JARID2: variants seen among roughly 807,000 people sequenced by gnomAD.
JARID2 encodes the protein jumonji and AT-rich interaction domain containing 2.
Under a neutral mutation model 125.6 loss-of-function variants are expected in JARID2, and 21 were observed. The observed-to-expected ratio is 0.17, with a 90% CI of 0.12 to 0.24. The LOEUF (loss-of-function observed/expected upper bound fraction) is 0.24, where lower values mean the gene tolerates loss of function less well. Ranked by LOEUF, JARID2 falls within the 10% of genes least tolerant of loss-of-function variation. The probability of loss-of-function intolerance (pLI) is 1.00; values close to 1 mark genes in which losing one functional copy is unlikely to be tolerated. For synonymous variants in JARID2, 736 were observed against 661.6 expected (o/e 1.11, Z -1.73); for missense variants, 1,303 against 1,639.6 (o/e 0.79, Z 3.55).
intron 1 of JARID2, among the ~76,000 whole-genome samples, chr6:15,357,672 A>T (rs551539985): frequency 3.9e-5 from 6 of 152,346 alleles, no homozygotes; most frequent in African/African-American, 1.4e-4. Context: ...GATAATCAAA[A>T]TATAGAAAAA....
At chr6:15,465,843 G>C (rs1027823841) in intron 4 of JARID2, among the ~76,000 whole-genome samples, 2 of 151,172 alleles carry the variant, frequency 1.3e-5, no homozygotes, top group African/African-American at 2.4e-5. Context: ...TTGTTCTGTC[G>C]CCCAGCCTGG....
At chr6:15,375,249 A>G (rs35734069) in intron 2 of JARID2, among the ~76,000 whole-genome samples, 13,432 of 152,272 alleles carry the variant, frequency 0.088, 782 homozygotes, top group South Asian at 0.16. Flanking sequence ...GGGCAATGGC[A>G]GAGTTTCCTG....
At chr6:15,450,093 T>A in intron 3 of JARID2, among the ~76,000 whole-genome samples, 1 of 152,294 alleles carries the variant, frequency 6.6e-6, no homozygotes, top group Non-Finnish European at 1.5e-5. Context: ...GATAAATGCT[T>A]ACTATTTTAT....
At chr6:15,476,798 A>G (rs983041833) in intron 5 of JARID2, among the ~76,000 whole-genome samples, 7 of 152,228 alleles carry the variant, frequency 4.6e-5, no homozygotes, top group Non-Finnish European at 7.3e-5. Context: ...TAACACAATC[A>G]GAACACTGCT....
At position 15,247,731 on chromosome 6, in the gene JARID2, T is replaced by C. The variant is rs545769121; in HGVS notation, c.45+1147T>C. 18 of 985,358 alleles carry C rather than the reference T, an allele frequency of 1.8e-5. No individual in the cohort carries two copies. The South Asian group carries it at 7.0e-4, about 39-fold the overall frequency. The allele number at this position is 985,358 out of a possible 1,614,324, so 61.0% of individuals were successfully genotyped here. On this transcript the variant is annotated intron_variant, in intron 1 of 17. Transcript: ENST00000341776. ...TTTAATGGAAAAGCTGAATGCCTCT[T>C]CAAGAGAGCTGATCCTTATCTAGAC... is the stretch of plus-strand genomic sequence containing the variant.
In JARID2 at chr6:15,512,387, C is replaced by A. The variant is rs746339572; in HGVS notation, c.3132C>A (p.Ala1044=). Residue 1044 remains alanine (A), a synonymous_variant, in exon 14 of 18, where the codon GCC becomes GCA. Coordinates refer to ENST00000341776, the MANE Select transcript of JARID2 (RefSeq NM_004973.4). ...TQWTSMGFET[A]KEMKRRHIAK... ...GGACAAGTATGGGCTTTGAGACCGC[C>A]AAGGTGAGCAGAGCCGGCCTCCTCC... 1 of 1,613,840 alleles carries A rather than the reference C, an allele frequency of 6.2e-7. No individual in the cohort carries two copies. Among genetic ancestry groups the A allele is most frequent in the South Asian group, 1.1e-5 (1 of 91,076 alleles).
At chr6:15,325,598 T>G (rs1762510922) in intron 1 of JARID2, among the ~76,000 whole-genome samples, 1 of 152,138 alleles carries the variant, frequency 6.6e-6, no homozygotes, top group Non-Finnish European at 1.5e-5. Context: ...GGGACTTTGA[T>G]TTCACCAGAG....
chr6:15,437,938 A>G (rs1053841155), intron 3 of JARID2, among the ~76,000 whole-genome samples: 3 of 152,156 alleles, frequency 2.0e-5, no homozygotes, highest in African/African-American at 7.2e-5. Flanking sequence ...TGGAAAGGTA[A>G]GTGGGCCCTT....
intron 1 of JARID2, among the ~76,000 whole-genome samples, chr6:15,264,863 A>G (rs1485216055): frequency 6.6e-6 from 1 of 152,150 alleles, no homozygotes; most frequent in Non-Finnish European, 1.5e-5. Context: ...ACTGCCCTAT[A>G]ATGTAATGCA....
chr6:15,501,294 G>A lies in JARID2; in HGVS notation c.2333G>A (p.Gly778Asp). The A allele has an allele frequency of 6.2e-7, 1 of 1,612,970 alleles. No homozygotes were observed. The highest frequency in any genetic ancestry group is 2.2e-5 in the East Asian group (1 of 44,846). Reference protein sequence around the residue: ...NGFRSKLKEVGQAQLKTGRRR... With the variant: ...NGFRSKLKEVDQAQLKTGRRR... ...TTCCGCAGCAAGCTCAAGGAGGTGG[G>A]CCAGGCCCAGTTGAAGACTGGCCGG... The change falls in exon 8 of 18, where the codon GGC (glycine) becomes GAC (aspartate). Residue 778 changes from glycine to aspartate, a missense_variant. By Grantham distance (94) the Gly-to-Asp change is moderately conservative. This residue lies in a region of JARID2 where 124 missense variants were observed against 131.0 expected (regional missense o/e 0.95). Coordinates refer to ENST00000341776, the MANE Select transcript of JARID2 (RefSeq NM_004973.4).
intron 1 of JARID2, among the ~76,000 whole-genome samples, chr6:15,268,669 C>T (rs144208602): frequency 2.8e-3 from 431 of 152,294 alleles, no homozygotes; most frequent in Middle Eastern, 6.8e-3. Flanking sequence ...CACATGCACA[C>T]GTCTCCCTCT....
intron 1 of JARID2, among the ~76,000 whole-genome samples, chr6:15,349,881 T>C (rs1401815082): frequency 6.6e-6 from 1 of 152,142 alleles, no homozygotes; most frequent in Non-Finnish European, 1.5e-5. Flanking sequence ...ACGGACACCG[T>C]TGAAATGTAT....
chr6:15,325,924 G>A (rs1337865898), intron 1 of JARID2, among the ~76,000 whole-genome samples: 1 of 152,196 alleles, frequency 6.6e-6, no homozygotes, highest in Non-Finnish European at 1.5e-5. Flanking sequence ...GTGGAAAGCA[G>A]TGCCACTTTT....
At chr6:15,258,244 C>G (rs1759741192) in intron 1 of JARID2, among the ~76,000 whole-genome samples, 1 of 152,096 alleles carries the variant, frequency 6.6e-6, no homozygotes, top group Non-Finnish European at 1.5e-5. Context: ...ACGACATTGC[C>G]CTTGTCTGAG....
At chr6:15,263,208 A>G (rs541340163) in intron 1 of JARID2, among the ~76,000 whole-genome samples, 2 of 151,402 alleles carry the variant, frequency 1.3e-5, no homozygotes, top group South Asian at 4.2e-4. Flanking sequence ...CCCTTTGCAA[A>G]CCGTAAACAC....
intron 1 of JARID2, among the ~76,000 whole-genome samples, chr6:15,277,595 G>A (rs572291455): frequency 6.2e-4 from 94 of 152,214 alleles, no homozygotes; most frequent in Non-Finnish European, 1.1e-3. Flanking sequence ...ACAAAGGTCC[G>A]ACAGTCTTTA....
rs112303618 is a variant in JARID2, at chr6:15,520,689, G to GCACACACACA, written c.*446_*455dup. On this transcript the variant is annotated 3_prime_UTR_variant, in exon 18 of 18. Coordinates refer to ENST00000341776, the MANE Select transcript of JARID2 (RefSeq NM_004973.4). ...TTTAGAAGGGATAGGAGACACACGCGCACACACACACACACACGAAACTTG... is the reference window on the plus strand; with the variant it reads ...TTTAGAAGGGATAGGAGACACACGCGCACACACACACACACACACACACACACGAAACTTG... The GCACACACACA allele has an allele frequency of 5.1e-6, 2 of 391,840 alleles. No individual in the cohort carries two copies. Among genetic ancestry groups the GCACACACACA allele is most frequent in the Non-Finnish European group, 1.0e-5 (2 of 193,238 alleles). 24.3% of individuals were successfully genotyped at this position (391,840 alleles called of 1,614,324 possible). A position where few individuals can be genotyped will look rare whatever the true frequency, so the allele number is the denominator to read the frequency against.
At chr6:15,461,927 C>T (rs1438395319) in intron 4 of JARID2, among the ~76,000 whole-genome samples, 3 of 151,590 alleles carry the variant, frequency 2.0e-5, no homozygotes, top group Non-Finnish European at 4.4e-5. Context: ...AGTACATTCC[C>T]AAGATGAGCA....
At chr6:15,317,000 A>AT (rs1345115841) in intron 1 of JARID2, among the ~76,000 whole-genome samples, 4 of 152,202 alleles carry the variant, frequency 2.6e-5, no homozygotes, top group Admixed American at 2.6e-4. Flanking sequence ...TGGGGTTTCA[A>AT]TGAGTGTACT....
Sources: gnomAD v4.1 joint callset for allele counts (sites outside exome capture counted in the v4.1 genomes callset) on GRCh38, gnomAD v4.1.1 for gene constraint, gnomAD v4.1.1 regional missense constraint, MANE v1.5 for transcripts, NCBI Gene and HGNC (gene_info 2026-07-23, HGNC 2026-07-21) for gene names.